The following PCDH11X variants were observed in gnomAD, a reference collection of about 807,000 sequenced individuals.
The protein encoded by PCDH11X is protocadherin-11 X-linked.
In PCDH11X, 18 loss-of-function variants were observed where a neutral mutation model predicts 53.3. That is an observed-to-expected ratio of 0.34 (90% CI 0.23 to 0.50). PCDH11X has a LOEUF of 0.50. Ranked by LOEUF, PCDH11X falls within the 20% of genes least tolerant of loss-of-function variation. The probability of loss-of-function intolerance (pLI) is 0.98; values close to 1 mark genes in which losing one functional copy is unlikely to be tolerated. For missense variants in PCDH11X, 570 were observed against 1,032.4 expected (o/e 0.55, Z 6.14); for synonymous variants, 279 against 393.3 (o/e 0.71, Z 3.44).
chrX:92,129,684 C>G (rs2064936808), intron 6 of PCDH11X, among the ~76,000 whole-genome samples: 1 of 110,958 alleles, frequency 9.0e-6, no homozygotes, highest in Admixed American at 9.7e-5. Context: ...TTAGAAAGAC[C>G]TGTTTTCTCA....
At chrX:92,031,002 A>G (rs1213219226) in intron 6 of PCDH11X, among the ~76,000 whole-genome samples, 2 of 110,319 alleles carry the variant, frequency 1.8e-5, no homozygotes, top group African/African-American at 6.6e-5. Context: ...GTATATATGC[A>G]GCAGTGGGAT....
chrX:92,595,927 A>T (rs1925541868), intron 10 of PCDH11X, among the ~76,000 whole-genome samples: 1 of 102,269 alleles, frequency 9.8e-6, no homozygotes, highest in Non-Finnish European at 2.0e-5. Context: ...TCTCTATAAA[A>T]CTGCCTCTTA....
intron 6 of PCDH11X, among the ~76,000 whole-genome samples, chrX:92,186,368 G>A (rs2066094532): frequency 1.8e-5 from 2 of 111,843 alleles, no homozygotes; most frequent in South Asian, 7.4e-4. Flanking sequence ...AGTGGCTCAC[G>A]CCTGTAATCC....
At position 92,186,762 on chromosome X, in the gene PCDH11X, T is replaced by C. The variant is rs1483941909; in HGVS notation, c.3034-14613T>C. Among the ~76,000 whole-genome samples the C allele has an allele frequency of 2.7e-5, 3 of 111,021 alleles. No individual in the cohort carries two copies. In the Admixed American group the frequency reaches 2.9e-4, roughly 11 times the overall value. On this transcript the variant is annotated intron_variant, in intron 6 of 10. Coordinates refer to ENST00000682573, the MANE Select transcript of PCDH11X (RefSeq NM_032968.5). ...GAATAGGTTCTAGCTTTCATAGCAC[T>C]GTAGGGTGACTATAGTTAATAATAA...
chrX:91,813,176 A>C (rs1391293737), intron 4 of PCDH11X, among the ~76,000 whole-genome samples: 1 of 111,498 alleles, frequency 9.0e-6, no homozygotes. Context: ...AAGGAGTGGA[A>C]GAAAAATTGA....
At chrX:92,244,647 C>T (rs73530406) in intron 7 of PCDH11X, among the ~76,000 whole-genome samples, 8,337 of 111,243 alleles carry the variant, frequency 0.075, 656 homozygotes, top group African/African-American at 0.23. Context: ...GCCCTCACAG[C>T]CACCGTTTCT....
At chrX:92,073,534 T>C (rs1277393863) in intron 6 of PCDH11X, among the ~76,000 whole-genome samples, 1 of 112,767 alleles carries the variant, frequency 8.9e-6, no homozygotes, top group Non-Finnish European at 1.9e-5. Context: ...TAAAATAAGA[T>C]ATCTTACCAT....
intron 6 of PCDH11X, among the ~76,000 whole-genome samples, chrX:92,117,437 A>G (rs1211624389): frequency 3.8e-5 from 3 of 78,597 alleles, no homozygotes. Flanking sequence ...ACTCTGTCTC[A>G]AAAAAAAAAA....
chrX:91,827,679 T>C (rs771163821), intron 4 of PCDH11X, among the ~76,000 whole-genome samples: 133 of 110,910 alleles, frequency 1.2e-3, no homozygotes, highest in African/African-American at 4.1e-3. Flanking sequence ...GCTACCCAGA[T>C]GTCCCAGCCC....
intron 6 of PCDH11X, among the ~76,000 whole-genome samples, chrX:92,083,243 A>G (rs866023797): frequency 5.8e-4 from 65 of 111,969 alleles, no homozygotes; most frequent in Middle Eastern, 4.6e-3. Context: ...GCAATACTTT[A>G]GCTTACTATT....
chrX:92,607,141 G>T (rs1926910389), intron 10 of PCDH11X, among the ~76,000 whole-genome samples: 1 of 109,910 alleles, frequency 9.1e-6, no homozygotes, highest in South Asian at 3.9e-4. Context: ...CAGAGTTGGT[G>T]TAAGACCCAG....
chrX:92,102,841 T>C (rs2064290095), intron 6 of PCDH11X, among the ~76,000 whole-genome samples: 1 of 111,516 alleles, frequency 9.0e-6, no homozygotes, highest in East Asian at 2.8e-4. Flanking sequence ...AAGCGCAGAT[T>C]CTGAACTAAC....
At chrX:92,120,326 A>AT (rs1240090115) in intron 6 of PCDH11X, among the ~76,000 whole-genome samples, 10 of 110,129 alleles carry the variant, frequency 9.1e-5, no homozygotes, top group African/African-American at 3.0e-4. Flanking sequence ...CGCCCGGCTA[A>AT]TTTTTGTATT....
chrX:91,901,739 C>A (rs1048495021), intron 6 of PCDH11X, among the ~76,000 whole-genome samples: 3 of 111,506 alleles, frequency 2.7e-5, no homozygotes, highest in African/African-American at 9.8e-5. Context: ...AAATAGGTAT[C>A]CCAAGATAAA....
intron 6 of PCDH11X, among the ~76,000 whole-genome samples, chrX:92,012,072 A>G (rs1202070406): frequency 8.1e-5 from 9 of 111,257 alleles, no homozygotes; most frequent in Non-Finnish European, 1.3e-4. Flanking sequence ...GCAACCTAAT[A>G]GGCAAATCTA....
intron 6 of PCDH11X, among the ~76,000 whole-genome samples, chrX:91,995,251 AAC>A (rs1468594534): frequency 5.4e-5 from 6 of 110,109 alleles, no homozygotes; most frequent in South Asian, 7.6e-4. Flanking sequence ...CAAAAAAAAA[AAC>A]ACTGCTGAGA....
chrX:92,506,210 T>C (rs1048284490), intron 10 of PCDH11X, among the ~76,000 whole-genome samples: 3 of 64,349 alleles, frequency 4.7e-5, no homozygotes, highest in Non-Finnish European at 8.6e-5. Flanking sequence ...CATTTTCTTT[T>C]CTTTTCTTTT....
At chrX:91,837,400 T>G in intron 5 of PCDH11X, among the ~76,000 whole-genome samples, 1 of 111,312 alleles carries the variant, frequency 9.0e-6, no homozygotes, top group East Asian at 2.8e-4. Context: ...AAACTAAAAT[T>G]TAGATGATTT....
intron 10 of PCDH11X, among the ~76,000 whole-genome samples, chrX:92,577,746 T>C (rs1039773440): frequency 5.2e-4 from 58 of 111,066 alleles, no homozygotes; most frequent in Non-Finnish European, 1.0e-3. Context: ...TTATCTTTGT[T>C]CTCATTAGTT....
Sources: gnomAD v4.1 joint callset for allele counts (sites outside exome capture counted in the v4.1 genomes callset) on GRCh38, gnomAD v4.1.1 for gene constraint, MANE v1.5 for transcripts, NCBI Gene and HGNC (gene_info 2026-07-23, HGNC 2026-07-21) for gene names.